Variants in AFG1L observed in about 807,000 individuals in gnomAD.
The protein encoded by AFG1L is AFG1-like ATPase.
In AFG1L, 53 loss-of-function variants were observed where a neutral mutation model predicts 62.2. The ratio of observed to expected loss-of-function variants is 0.85; its 90% CI spans 0.68 to 1.07. AFG1L has a LOEUF of 1.07. AFG1L is among the 50% of genes least tolerant of loss of function. The probability of loss-of-function intolerance (pLI) is 0.00; values close to 1 mark genes in which losing one functional copy is unlikely to be tolerated. For synonymous variants in AFG1L, 228 were observed against 210.3 expected (o/e 1.08, Z -0.73); for missense variants, 555 against 590.5 (o/e 0.94, Z 0.62).
intron 1 of AFG1L, chr6:108,295,666 C>T (rs1480098596): frequency 6.4e-6 from 1 of 155,994 alleles, no homozygotes; most frequent in Non-Finnish European, 1.4e-5. Context: ...GGTCCACACA[C>T]ATTCTCAGAT....
chr6:108,469,105 GT>G (rs1772788391), intron 8 of AFG1L, among the ~76,000 whole-genome samples: 1 of 152,182 alleles, frequency 6.6e-6, no homozygotes, highest in African/African-American at 2.4e-5. Flanking sequence ...CTAATCAGAA[GT>G]TCTGAGTGCA....
chr6:108,486,854 C>T (rs1773593412), intron 10 of AFG1L, among the ~76,000 whole-genome samples: 1 of 151,884 alleles, frequency 6.6e-6, no homozygotes, highest in Non-Finnish European at 1.5e-5. Context: ...ACAGGCACAC[C>T]TCACCACGCC....
chr6:108,416,411 A>G (rs1445487080), intron 7 of AFG1L, among the ~76,000 whole-genome samples: 1 of 152,258 alleles, frequency 6.6e-6, no homozygotes, highest in Non-Finnish European at 1.5e-5. Context: ...TGACACAGCC[A>G]TCCCATTACT....
chr6:108,442,981 C>T (rs767101404), intron 7 of AFG1L, among the ~76,000 whole-genome samples: 2 of 152,178 alleles, frequency 1.3e-5, no homozygotes, highest in Non-Finnish European at 2.9e-5. Flanking sequence ...AACAGTACAA[C>T]CCAGGATGCA....
At chr6:108,310,955 T>A (rs1162093745) in intron 1 of AFG1L, among the ~76,000 whole-genome samples, 1 of 152,212 alleles carries the variant, frequency 6.6e-6, no homozygotes. Context: ...ATTTTCCAAC[T>A]GGTTATCTAT....
At chr6:108,445,414 A>G (rs975710496) in intron 7 of AFG1L, among the ~76,000 whole-genome samples, 3 of 152,016 alleles carry the variant, frequency 2.0e-5, no homozygotes, top group East Asian at 1.9e-4. Context: ...TTCCTTTTCA[A>G]TCATAACTTA....
chr6:108,397,853 G>A (rs1781389426), intron 6 of AFG1L, among the ~76,000 whole-genome samples: 1 of 152,120 alleles, frequency 6.6e-6, no homozygotes, highest in Non-Finnish European at 1.5e-5. Flanking sequence ...CCATTCATCT[G>A]TTGATGGACA....
chr6:108,360,091 G>A lies in AFG1L; in HGVS notation c.648+3271G>A, dbSNP rs114264782. ...CTAAAGCCCAGGAAGAGAAAGATGA[G>A]GTATCTGCTAGGAATGCTTTTGGCC... On this transcript the variant is annotated intron_variant, in intron 5 of 12. Coordinates refer to ENST00000368977, the MANE Select transcript of AFG1L (RefSeq NM_145315.5). Among the ~76,000 whole-genome samples, 744 of 152,250 alleles carry A rather than the reference G, an allele frequency of 4.9e-3. 3 individuals are homozygous for A. The highest frequency in any genetic ancestry group is 0.017 in the African/African-American group (719 of 41,534).
At position 108,338,836 on chromosome 6, in the gene AFG1L, T is replaced by A. The variant is rs558983366; in HGVS notation, c.364-8152T>A. On this transcript the variant is annotated intron_variant, in intron 2 of 12. Transcript: ENST00000368977. ...CTCAACAAAAGATGCGAGACCCCGT[T>A]ACCAAGACACACATCCTGGATTCTG... Among the ~76,000 whole-genome samples the A allele has an allele frequency of 3.3e-5, 5 of 152,320 alleles. No homozygotes were observed. In the South Asian group the frequency reaches 1.0e-3, roughly 32 times the overall value.
intron 2 of AFG1L, among the ~76,000 whole-genome samples, chr6:108,328,077 T>A (rs1320284901): frequency 6.6e-6 from 1 of 151,786 alleles, no homozygotes. Context: ...CCCATATTTC[T>A]CAGTTTATAG....
chr6:108,489,643 A>C (rs140734834), intron 10 of AFG1L, among the ~76,000 whole-genome samples: 1 of 152,316 alleles, frequency 6.6e-6, no homozygotes, highest in Non-Finnish European at 1.5e-5. Flanking sequence ...TGCACGAAAC[A>C]AGATAAATAG....
intron 8 of AFG1L, among the ~76,000 whole-genome samples, chr6:108,457,633 T>C (rs771297521): frequency 6.6e-6 from 1 of 152,066 alleles, no homozygotes; most frequent in Non-Finnish European, 1.5e-5. Context: ...TTTAAAGAGA[T>C]TTTTAAAATA....
chr6:108,495,649 C>T (rs1773947063), intron 10 of AFG1L, among the ~76,000 whole-genome samples: 1 of 152,158 alleles, frequency 6.6e-6, no homozygotes, highest in Admixed American at 6.5e-5. Context: ...CAAGCAAGCT[C>T]TTTATTTTTA....
At chr6:108,387,409 T>TA (rs1486338802) in intron 6 of AFG1L, 1 of 152,276 alleles carries the variant, frequency 6.6e-6, no homozygotes, top group Non-Finnish European at 1.5e-5. Context: ...GCCCTGCACA[T>TA]ACACCTGGGC....
At chr6:108,311,677 G>C (rs1777418561) in intron 1 of AFG1L, among the ~76,000 whole-genome samples, 1 of 151,734 alleles carries the variant, frequency 6.6e-6, no homozygotes, top group African/African-American at 2.4e-5. Flanking sequence ...TGCTTTGAGT[G>C]CAGTTAACAG....
intron 6 of AFG1L, among the ~76,000 whole-genome samples, chr6:108,367,597 G>A (rs1779812194): frequency 6.6e-6 from 1 of 152,180 alleles, no homozygotes; most frequent in Admixed American, 6.6e-5. Flanking sequence ...GCTGTTTACT[G>A]AGATGGGGAA....
At chr6:108,353,082 C>T (rs1385158211) in intron 3 of AFG1L, among the ~76,000 whole-genome samples, 1 of 151,658 alleles carries the variant, frequency 6.6e-6, no homozygotes, top group Non-Finnish European at 1.5e-5. Context: ...TTGTTTGAAT[C>T]CCTGCTTTCG....
At chr6:108,373,945 A>G (rs1780129644) in intron 6 of AFG1L, among the ~76,000 whole-genome samples, 1 of 152,156 alleles carries the variant, frequency 6.6e-6, no homozygotes, top group Admixed American at 6.5e-5. Flanking sequence ...ACTAATTTAC[A>G]TTCCCACCAA....
intron 8 of AFG1L, among the ~76,000 whole-genome samples, chr6:108,465,685 A>G (rs1466323440): frequency 2.6e-5 from 4 of 151,892 alleles, no homozygotes; most frequent in African/African-American, 9.7e-5. Flanking sequence ...CTGCTGCTAA[A>G]GTTTTTACAA....
Sources: gnomAD v4.1 joint callset for allele counts (sites outside exome capture counted in the v4.1 genomes callset) on GRCh38, gnomAD v4.1.1 for gene constraint, MANE v1.5 for transcripts, NCBI Gene and HGNC (gene_info 2026-07-23, HGNC 2026-07-21) for gene names.